The following PKD1L1 variants were observed in gnomAD, a reference collection of about 807,000 sequenced individuals.
PKD1L1 encodes polycystin-1-like protein 1.
Under a neutral mutation model 323.4 loss-of-function variants are expected in PKD1L1, and 236 were observed. That is an observed-to-expected ratio of 0.73 (90% CI 0.66 to 0.81). The LOEUF is 0.81. Among genes scored for constraint, PKD1L1 ranks in the 40% least tolerant of loss-of-function variants. PKD1L1 has a pLI of 0.00. For synonymous variants in PKD1L1, 1,344 were observed against 1,335.0 expected (o/e 1.01, Z -0.15); for missense variants, 3,320 against 3,508.0 (o/e 0.95, Z 1.35).
At chr7:47,811,602 A>AT (rs1784896784) in intron 50 of PKD1L1, among the ~76,000 whole-genome samples, 1 of 152,208 alleles carries the variant, frequency 6.6e-6, no homozygotes, top group Non-Finnish European at 1.5e-5. Context: ...CTTGCCACAC[A>AT]TGTGAAGATT....
chr7:47,940,490 T>G (rs1029832572), intron 2 of PKD1L1, among the ~76,000 whole-genome samples, 173 bp from the exon 3 acceptor site: 4 of 152,228 alleles, frequency 2.6e-5, no homozygotes, highest in African/African-American at 9.6e-5. Context: ...TGTGTGTGTT[T>G]TCTTTCTATT....
chr7:47,775,745 A>G (rs967967235), intron 56 of PKD1L1, among the ~76,000 whole-genome samples: 5 of 152,036 alleles, frequency 3.3e-5, no homozygotes, highest in African/African-American at 1.2e-4. Context: ...CTTAAACTCA[A>G]AGTAAACAGA....
chr7:47,788,577 ATTTTT>A (rs34984408), intron 56 of PKD1L1, among the ~76,000 whole-genome samples: 2 of 138,072 alleles, frequency 1.4e-5, no homozygotes, highest in African/African-American at 5.3e-5. Flanking sequence ...ATATATATAT[ATTTTT>A]TTTTTTTAAT....
chr7:47,920,155 T>A (rs1366214981), intron 7 of PKD1L1, among the ~76,000 whole-genome samples: 6 of 152,154 alleles, frequency 3.9e-5, no homozygotes, highest in Non-Finnish European at 7.4e-5. Context: ...GATAAAAGAA[T>A]GCAGCTAAGT....
Position 47,875,104 on chromosome 7 carries a change from C to T in PKD1L1, c.3784+993G>A, listed in dbSNP as rs149472153. ...GCCCAGCCTAAGTCTCACATAACCC[C>T]GTACGCAGCTTGACTTCAAGAAAAC... On this transcript the variant is annotated intron_variant, in intron 23 of 56. Transcript: ENST00000289672. 1.9e-4 allele frequency among the ~76,000 whole-genome samples: 29 copies of T among 152,322 alleles called. No homozygotes were observed. In the East Asian group the frequency reaches 3.9e-3, roughly 20 times the overall value.
chr7:47,801,033 C>T (rs1041116997), intron 53 of PKD1L1, among the ~76,000 whole-genome samples, 154 bp from the exon 54 acceptor site: 1 of 152,070 alleles, frequency 6.6e-6, no homozygotes, highest in Non-Finnish European at 1.5e-5. Context: ...ACCCAAAAGG[C>T]GTATGTCACC....
intron 26 of PKD1L1, among the ~76,000 whole-genome samples, chr7:47,864,651 T>C (rs10528016): frequency 9.3e-4 from 134 of 143,874 alleles, no homozygotes; most frequent in African/African-American, 3.0e-3. Flanking sequence ...CTTCCTTCCT[T>C]CCTCCCTCTC....
intron 15 of PKD1L1, 28 bp from the exon 16 acceptor site, chr7:47,890,791 AG>A: frequency 1.2e-6 from 2 of 1,603,894 alleles, no homozygotes; most frequent in African/African-American, 2.7e-5. Context: ...GGAGTGGCTG[AG>A]GGGAGCATCA....
At chr7:47,905,737 C>G (rs1016684057) in intron 10 of PKD1L1, 106 bp downstream of exon 10, 5 of 1,454,958 alleles carry the variant, frequency 3.4e-6, no homozygotes, top group Non-Finnish European at 4.7e-6. Flanking sequence ...ATGGGGCTCT[C>G]CAGCAGAGCC....
At chr7:47,900,421 T>C (rs116047642) in intron 13 of PKD1L1, among the ~76,000 whole-genome samples, 2,549 of 152,308 alleles carry the variant, frequency 0.017, 26 homozygotes, top group African/African-American at 0.035. Flanking sequence ...GACAGTGTAA[T>C]TGCCAAGTTA....
At chr7:47,806,388 C>T (rs992603581) in intron 52 of PKD1L1, among the ~76,000 whole-genome samples, 2 of 152,192 alleles carry the variant, frequency 1.3e-5, no homozygotes, top group Admixed American at 1.3e-4. Flanking sequence ...TCAGGCATGT[C>T]GGCATTGTAG....
chr7:47,823,122 G>C (rs1028050260), intron 45 of PKD1L1, among the ~76,000 whole-genome samples: 7 of 152,118 alleles, frequency 4.6e-5, no homozygotes, highest in African/African-American at 1.4e-4. Flanking sequence ...TGATCGGAGA[G>C]GACATTTTTG....
chr7:47,803,123 A>G, intron 53 of PKD1L1, 87 bp downstream of exon 53: 1 of 1,521,650 alleles, frequency 6.6e-7, no homozygotes, highest in Non-Finnish European at 9.0e-7. Flanking sequence ...CCTTGAGAGC[A>G]GTTTGTTTTT....
intron 10 of PKD1L1, 59 bp downstream of exon 10, chr7:47,905,784 T>A: frequency 6.3e-7 from 1 of 1,598,324 alleles, no homozygotes; most frequent in Non-Finnish European, 8.5e-7. Context: ...GCTTTCCTAA[T>A]CTCAGCTGAC....
chr7:47,935,979 C>T (rs1787860603), intron 4 of PKD1L1, among the ~76,000 whole-genome samples: 1 of 152,186 alleles, frequency 6.6e-6, no homozygotes, highest in Non-Finnish European at 1.5e-5. Flanking sequence ...TCTACATTTA[C>T]CCATGTTTTT....
rs186041637 is a variant in PKD1L1 at position 47,816,784 on chromosome 7, A to G, written c.6966-1327T>C. Among the ~76,000 whole-genome samples the G allele has an allele frequency of 3.0e-4, 46 of 152,350 alleles. No individual in the cohort carries two copies. The East Asian group carries it at 8.5e-3, about 28-fold the overall frequency. On this transcript the variant is annotated intron_variant, in intron 46 of 56. Coordinates refer to ENST00000289672, the MANE Select transcript of PKD1L1 (RefSeq NM_138295.5). The stretch of plus-strand genomic sequence containing the variant: ...GACTACTCCAAAGAATGAACACACT[A>G]TGAATCATTCAGATGATGGCCATGG...
Position 47,839,210 on chromosome 7 carries a change from T to C in PKD1L1, c.5769+236A>G, listed in dbSNP as rs189617952. ...TAAATTCCAGCAATGCTATTACAAT[T>C]ACAGAGAAGCATTACTACAATAATT... On this transcript the variant is annotated intron_variant, in intron 36 of 56. Coordinates refer to ENST00000289672, the MANE Select transcript of PKD1L1 (RefSeq NM_138295.5). This position sits in a 1 kb window ranked among gnomAD's most constrained non-coding sequence, Gnocchi z 4.3. 2.3e-4 allele frequency among the ~76,000 whole-genome samples: 35 copies of C among 152,336 alleles called. No individual in the cohort carries two copies. The East Asian group carries it at 6.4e-3, about 28-fold the overall frequency.
intron 51 of PKD1L1, among the ~76,000 whole-genome samples, chr7:47,808,628 C>G (rs1271951494): frequency 6.6e-6 from 1 of 152,186 alleles, no homozygotes; most frequent in Non-Finnish European, 1.5e-5. Context: ...AGGCTACAAC[C>G]CTGTGCAGCG....
In PKD1L1 at chr7:47,858,721, T is replaced by C; in HGVS notation, c.4314A>G (p.Glu1438=). Residue 1438 remains glutamate (E), a synonymous_variant, in exon 27 of 57, where the codon GAA becomes GAG. Coordinates refer to ENST00000289672, the MANE Select transcript of PKD1L1 (RefSeq NM_138295.5). ...TAATTCCTTCTTCATGTCGATAGAC[T>C]TCCTCCTTCGAGTTTTCTTGCTCAG... The part of the protein sequence containing the change: ...EVSEQENSKE[E]VYRHEEGITV... The C allele has an allele frequency of 2.5e-6, 4 of 1,614,114 alleles. No homozygotes were observed. The highest frequency in any genetic ancestry group is 3.4e-6 in the Non-Finnish European group (4 of 1,179,964).
Sources: allele counts gnomAD v4.1 joint callset (sites outside exome capture counted in the v4.1 genomes callset), GRCh38; gene constraint gnomAD v4.1.1; non-coding constraint Gnocchi (gnomAD v3.1); transcripts MANE v1.5; gene names NCBI Gene and HGNC (gene_info 2026-07-23, HGNC 2026-07-21).